Variants in CAMKMT observed in about 807,000 individuals in gnomAD.
CAMKMT encodes the protein CaM KMT.
CAMKMT carries 53 observed loss-of-function variants against 48.0 expected under a neutral mutation model. The ratio of observed to expected loss-of-function variants is 1.10; its 90% CI spans 0.89 to 1.39. CAMKMT has a LOEUF of 1.39. Among genes scored for constraint, CAMKMT ranks in the 40% most tolerant of loss-of-function variants. CAMKMT has a pLI of 0.00. For synonymous variants in CAMKMT, 165 were observed against 152.3 expected, an observed-to-expected ratio of 1.08 and a Z score of -0.61; for missense variants, 428 against 402.7, an observed-to-expected ratio of 1.06 and a Z score of -0.54.
intron 3 of CAMKMT, among the ~76,000 whole-genome samples, chr2:44,505,246 T>A (rs1317242797): frequency 6.6e-6 from 1 of 152,186 alleles, no homozygotes; most frequent in Non-Finnish European, 1.5e-5. Flanking sequence ...TGTTTTTTTT[T>A]AATAATTGAG....
chr2:44,574,398 T>C (rs1669090983), intron 3 of CAMKMT, among the ~76,000 whole-genome samples: 1 of 152,158 alleles, frequency 6.6e-6, no homozygotes, highest in African/African-American at 2.4e-5. Flanking sequence ...TATCTAGCCC[T>C]AGGCAGATTT....
intron 10 of CAMKMT, among the ~76,000 whole-genome samples, chr2:44,771,252 A>T (rs146313978): frequency 6.6e-6 from 1 of 152,202 alleles, no homozygotes; most frequent in Non-Finnish European, 1.5e-5. Flanking sequence ...ATCTAAAAAG[A>T]AATTAACAAT....
At chr2:44,551,670 T>C (rs1165989101) in intron 3 of CAMKMT, among the ~76,000 whole-genome samples, 4 of 152,172 alleles carry the variant, frequency 2.6e-5, no homozygotes, top group African/African-American at 7.2e-5. Flanking sequence ...TGGAAAAGAT[T>C]TGTCGAAAAC....
At chr2:44,389,095 G>C (rs901749812) in intron 2 of CAMKMT, among the ~76,000 whole-genome samples, 6 of 152,122 alleles carry the variant, frequency 3.9e-5, no homozygotes, top group African/African-American at 1.4e-4. Context: ...TTTGTCTTCA[G>C]CTACCAGGCT....
At chr2:44,626,733 T>C (rs1672504297) in intron 3 of CAMKMT, among the ~76,000 whole-genome samples, 1 of 152,120 alleles carries the variant, frequency 6.6e-6, no homozygotes, top group Non-Finnish European at 1.5e-5. Flanking sequence ...CCTCCTAAAC[T>C]CATCATTTTG....
chr2:44,732,485 A>C (rs1226416553), intron 7 of CAMKMT, among the ~76,000 whole-genome samples: 1 of 152,242 alleles, frequency 6.6e-6, no homozygotes, highest in East Asian at 1.9e-4. Flanking sequence ...GTCTTCGCAC[A>C]TGAATGTTAT....
chr2:44,483,953 T>C (rs533329949), intron 3 of CAMKMT, among the ~76,000 whole-genome samples: 6 of 152,334 alleles, frequency 3.9e-5, no homozygotes, highest in African/African-American at 1.4e-4. Flanking sequence ...AATTATGTTT[T>C]CTTGCAAAAT....
intron 3 of CAMKMT, among the ~76,000 whole-genome samples, chr2:44,633,586 T>C (rs1672960811): frequency 6.6e-6 from 1 of 152,170 alleles, no homozygotes; most frequent in Admixed American, 6.5e-5. Flanking sequence ...ATATATTTTT[T>C]ACTCTAAGAG....
intron 2 of CAMKMT, among the ~76,000 whole-genome samples, chr2:44,382,225 G>A (rs76295160): frequency 0.054 from 8,278 of 152,068 alleles, 286 homozygotes; most frequent in South Asian, 0.13. Flanking sequence ...TTATAGGCGT[G>A]AGTCATCTTG....
At position 44,526,604 on chromosome 2, in the gene CAMKMT, G is replaced by T. The variant is rs758965911; in HGVS notation, c.376+136299G>T. 1.6e-4 allele frequency among the ~76,000 whole-genome samples: 24 copies of T among 152,140 alleles called. 1 individual carries two copies. The highest frequency in any genetic ancestry group is 3.2e-4 in the Non-Finnish European group (22 of 68,030). On this transcript the variant is annotated intron_variant, in intron 3 of 10. Transcript: ENST00000378494. ...GAGTCCTGTTTGAGGGCAAGAGGAC[G>T]GATGCCCCAGCTCAGGTAGAGAGAG...
At chr2:44,557,336 A>G (rs942450073) in intron 3 of CAMKMT, among the ~76,000 whole-genome samples, 2 of 151,586 alleles carry the variant, frequency 1.3e-5, no homozygotes, top group Non-Finnish European at 2.9e-5. Context: ...CTCTTATTTG[A>G]GGAAATAAAA....
chr2:44,718,144 C>T (rs1040460418), intron 7 of CAMKMT, among the ~76,000 whole-genome samples: 11 of 152,188 alleles, frequency 7.2e-5, no homozygotes, highest in African/African-American at 9.6e-5. Flanking sequence ...GAGGCTCTGA[C>T]GCTGAACCTT....
chr2:44,577,957 TTCA>T (rs1669325802), intron 3 of CAMKMT, among the ~76,000 whole-genome samples: 1 of 152,250 alleles, frequency 6.6e-6, no homozygotes. Flanking sequence ...TTTATTATTC[TTCA>T]TCCAAAAAGT....
chr2:44,445,531 G>T (rs906698910), intron 3 of CAMKMT, among the ~76,000 whole-genome samples: 2 of 151,660 alleles, frequency 1.3e-5, no homozygotes, highest in Non-Finnish European at 2.9e-5. Context: ...TCCATACTAC[G>T]GGACATTCCC....
chr2:44,458,937 C>T (rs1667714081), intron 3 of CAMKMT, among the ~76,000 whole-genome samples: 2 of 152,012 alleles, frequency 1.3e-5, no homozygotes, highest in Admixed American at 1.3e-4. Flanking sequence ...GTTTTAACTT[C>T]TCAAGTATAA....
intron 3 of CAMKMT, among the ~76,000 whole-genome samples, chr2:44,413,530 T>TA (rs1238105023): frequency 6.6e-6 from 1 of 151,876 alleles, no homozygotes; most frequent in Non-Finnish European, 1.5e-5. Context: ...CATGCGCCTA[T>TA]AATCCTAGCT....
At chr2:44,647,523 A>G (rs934496160) in intron 3 of CAMKMT, among the ~76,000 whole-genome samples, 1 of 152,188 alleles carries the variant, frequency 6.6e-6, no homozygotes, top group Admixed American at 6.5e-5. Flanking sequence ...TTTGTACTTC[A>G]TGCAGTTACT....
chr2:44,458,730 C>G (rs1667702451), intron 3 of CAMKMT, among the ~76,000 whole-genome samples: 1 of 152,130 alleles, frequency 6.6e-6, no homozygotes, highest in Non-Finnish European at 1.5e-5. Flanking sequence ...TCCATTCTCT[C>G]TAGGGAGATG....
At chr2:44,711,292 A>G (rs569487939) in intron 6 of CAMKMT, among the ~76,000 whole-genome samples, 43 of 152,320 alleles carry the variant, frequency 2.8e-4, no homozygotes, top group African/African-American at 1.0e-3. Flanking sequence ...TTCAACCAAT[A>G]TTAATGGCAT....
Sources: gnomAD v4.1 joint callset for allele counts (sites outside exome capture counted in the v4.1 genomes callset) on GRCh38, gnomAD v4.1.1 for gene constraint, MANE v1.5 for transcripts, NCBI Gene and HGNC (gene_info 2026-07-23, HGNC 2026-07-21) for gene names.